Variants in AQR observed in about 807,000 individuals in gnomAD.
AQR encodes aquarius intron-binding spliceosomal factor, also known as RNA helicase aquarius.
AQR carries 61 observed loss-of-function variants against 180.5 expected under a neutral mutation model. That is an observed-to-expected ratio of 0.34 (90% confidence interval 0.28 to 0.42). The LOEUF (loss-of-function observed/expected upper bound fraction) is 0.42. Ranked by LOEUF, AQR falls within the 10% of genes least tolerant of loss-of-function variation. AQR has a pLI of 1.00. For synonymous variants in AQR, 551 were observed against 588.8 expected (o/e 0.94, Z 0.93); for missense variants, 1,281 against 1,798.3 (o/e 0.71, Z 5.20).
At chr15:34,965,825 C>G (rs1054829465) in intron 1 of AQR, among the ~76,000 whole-genome samples, 2 of 152,194 alleles carry the variant, frequency 1.3e-5, no homozygotes, top group Admixed American at 1.3e-4. Context: ...CTTCTTACAT[C>G]ATACCATTAA....
chr15:34,920,676 C>T (rs1322075502), intron 13 of AQR, among the ~76,000 whole-genome samples: 1 of 151,992 alleles, frequency 6.6e-6, no homozygotes, highest in Non-Finnish European at 1.5e-5. Context: ...ATATTAATAC[C>T]GGCAGGGCAA....
At chr15:34,968,660 G>T (rs1205949359) in intron 1 of AQR, among the ~76,000 whole-genome samples, 1 of 152,188 alleles carries the variant, frequency 6.6e-6, no homozygotes, top group African/African-American at 2.4e-5. Flanking sequence ...AGAGCAAGAG[G>T]AAGGACAATA....
intron 2 of AQR, among the ~76,000 whole-genome samples, chr15:34,963,582 T>A (rs550789292): frequency 1.2e-4 from 19 of 152,160 alleles, no homozygotes; most frequent in African/African-American, 4.6e-4. Context: ...TATTACATGA[T>A]CATTTATAAT....
chr15:34,927,958 GCCT>G (rs1482574131), intron 12 of AQR, among the ~76,000 whole-genome samples: 2 of 152,152 alleles, frequency 1.3e-5, no homozygotes, highest in African/African-American at 4.8e-5. Flanking sequence ...CAAAGTTAGG[GCCT>G]CCTCAACAGG....
At chr15:34,865,688 A>C (rs1391556241) in intron 32 of AQR, among the ~76,000 whole-genome samples, 1 of 152,266 alleles carries the variant, frequency 6.6e-6, no homozygotes, top group African/African-American at 2.4e-5. Context: ...TGGATAAATA[A>C]AATGTGACAT....
At position 34,939,253 on chromosome 15, in the gene AQR, G is replaced by C. The variant is rs144153384; in HGVS notation, c.642-440C>G. Among the ~76,000 whole-genome samples the C allele has an allele frequency of 9.0e-3, 1,362 of 152,132 alleles. 38 individuals carry two copies. The highest frequency in any genetic ancestry group is 0.059 in the Admixed American group (895 of 15,280). On this transcript the variant is annotated intron_variant, in intron 8 of 34. Transcript: ENST00000156471. Reference sequence around the variant, plus strand: ...CTGGCTAATTTTTGTATTTTCAGTAGAGATGCGGTTCCACCATCTTGGCCA... The same window carrying C: ...CTGGCTAATTTTTGTATTTTCAGTACAGATGCGGTTCCACCATCTTGGCCA...
In AQR at chr15:34,952,998, G is replaced by A. The variant is rs537016214; in HGVS notation, c.174-78C>T. On this transcript the variant is annotated intron_variant, in intron 3 of 34. Transcript: ENST00000156471. ...AGAGTTATTAACACAAATGCATTTA[G>A]GGATGTTTTGTTTCCATATTAACCC... The A allele has an allele frequency of 8.7e-4, 718 of 824,262 alleles. 1 individual carries two copies. Among genetic ancestry groups the A allele is most frequent in the Non-Finnish European group, 1.3e-3 (670 of 534,658 alleles). The allele number at this position is 824,262 out of a possible 1,614,324, so 51.1% of individuals were successfully genotyped here.
At chr15:34,967,035 T>C (rs1366824077) in intron 1 of AQR, among the ~76,000 whole-genome samples, 2 of 151,770 alleles carry the variant, frequency 1.3e-5, no homozygotes, top group African/African-American at 2.4e-5. Context: ...CACCACCACG[T>C]CCGGCTAATT....
intron 20 of AQR, among the ~76,000 whole-genome samples, chr15:34,899,033 G>A (rs1463503389): frequency 6.6e-6 from 1 of 151,686 alleles, no homozygotes; most frequent in East Asian, 1.9e-4. Context: ...TGCCAGGCGT[G>A]GTGGCGGGCG....
At chr15:34,955,700 G>A (rs913943450) in intron 3 of AQR, among the ~76,000 whole-genome samples, 1 of 152,156 alleles carries the variant, frequency 6.6e-6, no homozygotes, top group South Asian at 2.1e-4. Flanking sequence ...CTGAGGTCAG[G>A]AGTTAGAGAC....
intron 8 of AQR, among the ~76,000 whole-genome samples, chr15:34,940,599 T>C (rs751718012): frequency 6.6e-6 from 1 of 151,874 alleles, no homozygotes; most frequent in Non-Finnish European, 1.5e-5. Flanking sequence ...CTGAAGATAG[T>C]GGAGAAAATT....
chr15:34,947,348 C>G (rs1480304786), intron 5 of AQR, among the ~76,000 whole-genome samples: 9 of 150,534 alleles, frequency 6.0e-5, no homozygotes, highest in Admixed American at 3.3e-4. Context: ...TCCCTAATCT[C>G]AAGTACCCAG....
At chr15:34,908,950 C>T (rs746574781) in intron 17 of AQR, among the ~76,000 whole-genome samples, 2 of 152,084 alleles carry the variant, frequency 1.3e-5, no homozygotes, top group African/African-American at 2.4e-5. Flanking sequence ...ATGGCTTTCT[C>T]GAGGCTCAGC....
At chr15:34,899,484 TCCTC>T (rs1331832533) in intron 20 of AQR, among the ~76,000 whole-genome samples, 1 of 151,494 alleles carries the variant, frequency 6.6e-6, no homozygotes, top group Non-Finnish European at 1.5e-5. Context: ...GTTCACGTGA[TCCTC>T]CCACCTCAGC....
intron 4 of AQR, among the ~76,000 whole-genome samples, chr15:34,951,360 AC>A (rs756643310): frequency 3.3e-5 from 5 of 152,104 alleles, no homozygotes; most frequent in Admixed American, 6.5e-5. Context: ...GTAACAACTG[AC>A]TTTTTCAGCT....
In AQR at chr15:34,855,338, A is replaced by G. The variant is rs1892573639; in HGVS notation, c.*1454T>C. 6.6e-6 allele frequency: 1 copy of G among 152,190 alleles called. No homozygotes were observed. Among genetic ancestry groups the G allele is most frequent in the African/African-American group, 2.4e-5 (1 of 41,434 alleles). 9.4% of individuals were successfully genotyped at this position (152,190 alleles called of 1,614,324 possible). A position where few individuals can be genotyped will look rare whatever the true frequency, so the allele number is the denominator to read the frequency against. ...AAATGTCAGGACCAGAAGGATTTCA[A>G]TGGTAGTGTGCAGTTCTTGCTTGTT... On this transcript the variant is annotated 3_prime_UTR_variant, in exon 35 of 35. Coordinates refer to ENST00000156471, the MANE Select transcript of AQR (RefSeq NM_014691.3).
intron 23 of AQR, among the ~76,000 whole-genome samples, chr15:34,891,854 T>C (rs956792843): frequency 1.1e-4 from 17 of 152,164 alleles, no homozygotes; most frequent in African/African-American, 3.1e-4. Flanking sequence ...CAATATGTTA[T>C]GTAATATGTT....
Position 34,855,475 on chromosome 15 carries a change from G to C in AQR, c.*1317C>G, listed in dbSNP as rs1056819899. On this transcript the variant is annotated 3_prime_UTR_variant, in exon 35 of 35. Transcript: ENST00000156471. ...GATACTCTAGCAGATGATCAAAATG[G>C]GAAATAGAGAACTAGTGGGCAATTT... 6.6e-6 allele frequency: 1 copy of C among 151,896 alleles called. No homozygotes were observed. Among genetic ancestry groups the C allele is most frequent in the African/African-American group, 2.4e-5 (1 of 41,332 alleles). 9.4% of individuals were successfully genotyped at this position (151,896 alleles called of 1,614,324 possible). A position where few individuals can be genotyped will look rare whatever the true frequency, so the allele number is the denominator to read the frequency against.
intron 24 of AQR, among the ~76,000 whole-genome samples, chr15:34,889,869 A>G (rs1893116737): frequency 6.6e-6 from 1 of 152,248 alleles, no homozygotes; most frequent in South Asian, 2.1e-4. Flanking sequence ...ATTCCTGAAT[A>G]AGATGTGAAA....
Sources: gnomAD v4.1 joint callset for allele counts (sites outside exome capture counted in the v4.1 genomes callset) on GRCh38, gnomAD v4.1.1 for gene constraint, MANE v1.5 for transcripts, NCBI Gene and HGNC (gene_info 2026-07-23, HGNC 2026-07-21) for gene names.